GNG12: variants seen among roughly 807,000 people sequenced by gnomAD.
GNG12 encodes guanine nucleotide-binding protein G(I)/G(S)/G(O) subunit gamma-12.
For synonymous variants in GNG12, 28 were observed against 29.7 expected (o/e 0.94, Z 0.19); for missense variants, 69 against 83.8 (o/e 0.82, Z 0.69).
At chr1:67,795,617 CAGA>C (rs1420204769) in intron 1 of GNG12, among the ~76,000 whole-genome samples, 1 of 152,136 alleles carries the variant, frequency 6.6e-6, no homozygotes, top group African/African-American at 2.4e-5. Context: ...AGTCCCATTC[CAGA>C]AGGTGTTTAA....
At chr1:67,731,315 C>T (rs1488569628) in intron 2 of GNG12, among the ~76,000 whole-genome samples, 6 of 152,156 alleles carry the variant, frequency 3.9e-5, no homozygotes, top group Admixed American at 2.6e-4. Flanking sequence ...TACTAATCCC[C>T]GCTCTCAAGG....
At chr1:67,802,643 G>C (rs907995517) in intron 1 of GNG12, among the ~76,000 whole-genome samples, 4 of 152,142 alleles carry the variant, frequency 2.6e-5, no homozygotes, top group Non-Finnish European at 4.4e-5. Context: ...TCACCATCCC[G>C]AGGCAGTAGT....
intron 1 of GNG12, among the ~76,000 whole-genome samples, chr1:67,811,487 G>C (rs114792989): frequency 1.2e-3 from 188 of 152,300 alleles, no homozygotes; most frequent in African/African-American, 4.5e-3. Flanking sequence ...GGGGTTTCCA[G>C]GGGCATCCAC....
At chr1:67,745,437 C>T (rs901225622) in intron 2 of GNG12, among the ~76,000 whole-genome samples, 2 of 152,208 alleles carry the variant, frequency 1.3e-5, no homozygotes, top group East Asian at 1.9e-4. Flanking sequence ...AAAGCTGCCC[C>T]GGTGACCAGG....
intron 2 of GNG12, among the ~76,000 whole-genome samples, chr1:67,708,557 C>A (rs1268783909): frequency 6.6e-6 from 1 of 152,178 alleles, no homozygotes; most frequent in East Asian, 1.9e-4. Context: ...CTCTCCTTAG[C>A]CACCTGGTGT....
At chr1:67,743,143 T>C (rs963848618) in intron 2 of GNG12, among the ~76,000 whole-genome samples, 1 of 152,214 alleles carries the variant, frequency 6.6e-6, no homozygotes, top group Non-Finnish European at 1.5e-5. Context: ...ATAACATTTC[T>C]AGAGTGTTAC....
intron 1 of GNG12, among the ~76,000 whole-genome samples, chr1:67,796,288 C>A (rs762123860): frequency 3.3e-5 from 5 of 152,320 alleles, no homozygotes; most frequent in Admixed American, 6.5e-5. Context: ...TTTCACATTG[C>A]ACATTCAGAT....
intron 2 of GNG12, among the ~76,000 whole-genome samples, chr1:67,722,356 C>T (rs1646360821): frequency 6.6e-6 from 1 of 152,130 alleles, no homozygotes; most frequent in South Asian, 2.1e-4. Flanking sequence ...TTTGCAGTCG[C>T]CAGCTGGGGC....
At chr1:67,757,329 T>G (rs1408860610) in intron 2 of GNG12, among the ~76,000 whole-genome samples, 1 of 152,212 alleles carries the variant, frequency 6.6e-6, no homozygotes, top group Admixed American at 6.5e-5. Flanking sequence ...TTGGAGGATT[T>G]CAGATTCCTG....
At chr1:67,752,493 G>A (rs1181748198) in intron 2 of GNG12, among the ~76,000 whole-genome samples, 1 of 152,160 alleles carries the variant, frequency 6.6e-6, no homozygotes, top group East Asian at 1.9e-4. Context: ...CTAATTTAAG[G>A]AATGCAGACA....
chr1:67,767,952 C>T lies in GNG12; in HGVS notation c.-27+9506G>A, dbSNP rs569197724. Among the ~76,000 whole-genome samples, 23 of 152,234 alleles carry T rather than the reference C, an allele frequency of 1.5e-4. No homozygotes were observed. In the South Asian group the frequency reaches 4.6e-3, roughly 30 times the overall value. Reference sequence around the variant, plus strand: ...GTGTTCTGCAAATTTGATTTAAAAGCTTTTTTTGGAGATGGGCTCTTGCTA... The same window carrying T: ...GTGTTCTGCAAATTTGATTTAAAAGTTTTTTTTGGAGATGGGCTCTTGCTA... On this transcript the variant is annotated intron_variant, in intron 2 of 3. Coordinates refer to ENST00000370982, the MANE Select transcript of GNG12 (RefSeq NM_018841.6).
At chr1:67,792,576 C>G (rs1646807641) in intron 1 of GNG12, among the ~76,000 whole-genome samples, 1 of 152,178 alleles carries the variant, frequency 6.6e-6, no homozygotes, top group African/African-American at 2.4e-5. Context: ...TAACTAAAGC[C>G]TCAAGGCTTT....
In GNG12 at chr1:67,705,391, C is replaced by A; in HGVS notation, c.*60G>T. ...CAAATAAGCTGAAGGTAAATCTCTT[C>A]AAGGAGCTGCTCATAATTTGCGTTG... On this transcript the variant is annotated 3_prime_UTR_variant, in exon 4 of 4. Transcript: ENST00000370982. 6.3e-7 allele frequency: 1 copy of A among 1,592,540 alleles called. No homozygotes were observed.
intron 2 of GNG12, among the ~76,000 whole-genome samples, chr1:67,737,416 A>G (rs929596099): frequency 1.3e-5 from 2 of 152,250 alleles, no homozygotes; most frequent in African/African-American, 4.8e-5. Flanking sequence ...AAAGATAAAC[A>G]GTCACATGGA....
intron 1 of GNG12, among the ~76,000 whole-genome samples, chr1:67,794,077 C>T (rs1429695398): frequency 6.6e-6 from 1 of 152,232 alleles, no homozygotes; most frequent in Non-Finnish European, 1.5e-5. Context: ...TGGGGGCTCG[C>T]AAATCCTGAA....
intron 2 of GNG12, among the ~76,000 whole-genome samples, chr1:67,714,082 C>A (rs575842260): frequency 6.6e-6 from 1 of 152,240 alleles, no homozygotes; most frequent in East Asian, 1.9e-4. Context: ...TTGGTTGGGC[C>A]CCATACAGTG....
intron 1 of GNG12, among the ~76,000 whole-genome samples, chr1:67,826,831 T>C (rs1474666122): frequency 1.3e-5 from 2 of 152,214 alleles, no homozygotes; most frequent in East Asian, 3.8e-4. Flanking sequence ...GTTTTTCCTC[T>C]GCAATAATTT....
At chr1:67,797,593 T>C (rs1340642992) in intron 1 of GNG12, among the ~76,000 whole-genome samples, 3 of 152,246 alleles carry the variant, frequency 2.0e-5, no homozygotes, top group Non-Finnish European at 4.4e-5. Flanking sequence ...AGTGTGCAGC[T>C]TAGGGAAAAC....
intron 2 of GNG12, among the ~76,000 whole-genome samples, chr1:67,718,637 T>C (rs904393158): frequency 1.3e-5 from 2 of 152,026 alleles, no homozygotes; most frequent in African/African-American, 4.8e-5. Flanking sequence ...TCTTCTATTT[T>C]ACCTGAGTCT....
Sources: gnomAD v4.1 joint callset for allele counts (sites outside exome capture counted in the v4.1 genomes callset) on GRCh38, gnomAD v4.1.1 for gene constraint, MANE v1.5 for transcripts, NCBI Gene and HGNC (gene_info 2026-07-23, HGNC 2026-07-21) for gene names.